The following CETP variants were observed in gnomAD, a reference collection of about 807,000 sequenced individuals.
CETP encodes the protein BPI fold containing family F.
Under a neutral mutation model 66.5 loss-of-function variants are expected in CETP, and 56 were observed. The observed-to-expected ratio is 0.84, with a 90% CI of 0.68 to 1.05. The LOEUF is 1.05. CETP is among the 50% of genes least tolerant of loss of function. The pLI, the probability that CETP is intolerant of heterozygous loss-of-function variation, is 0.00. For synonymous variants in CETP, 251 were observed against 245.7 expected (o/e 1.02, Z -0.20); for missense variants, 612 against 609.6 (o/e 1.00, Z -0.04).
intron 2 of CETP, among the ~76,000 whole-genome samples, chr16:56,964,983 C>G (rs957757521): frequency 9.2e-5 from 14 of 152,128 alleles, no homozygotes; most frequent in Admixed American, 9.2e-4. Flanking sequence ...CATGGTGGTG[C>G]GTGCCTGCAG....
Position 56,983,411 on chromosome 16 carries a change from T to A in CETP, c.1407T>A (p.Asp469Glu). Residue 469 changes from aspartate (D) to glutamate (E), a missense_variant and splice_region_variant, in exon 15 of 16, where the codon GAT becomes GAA. Coordinates refer to ENST00000200676, the MANE Select transcript of CETP (RefSeq NM_000078.3). ...DIINPEIITR[D>E]GFLLLQMDFG... ...TCAACCCTGAGATTATCACTCGAGA[T>A]GTGAGTACAAAGCCCCCCTCACCAG... The A allele has an allele frequency of 1.9e-6, 3 of 1,614,044 alleles. No individual in the cohort carries two copies. The highest frequency in any genetic ancestry group is 2.5e-6 in the Non-Finnish European group (3 of 1,179,918).
intron 11 of CETP, among the ~76,000 whole-genome samples, chr16:56,980,361 A>G (rs557084884): frequency 6.6e-6 from 1 of 152,222 alleles, no homozygotes; most frequent in South Asian, 2.1e-4. Context: ...TTGTAGAGAC[A>G]GGGTTTTGCC....
chr16:56,975,316 T>TGA (rs1313438630), intron 10 of CETP, among the ~76,000 whole-genome samples, 165 bp downstream of exon 10: 1 of 152,196 alleles, frequency 6.6e-6, no homozygotes, highest in Non-Finnish European at 1.5e-5. Flanking sequence ...TTAGTGTGTG[T>TGA]GACTTCCTTC....
chr16:56,981,778 AC>A, intron 13 of CETP, 98 bp downstream of exon 13: 1 of 1,232,938 alleles, frequency 8.1e-7, no homozygotes, highest in East Asian at 2.3e-5. Context: ...AGGCAACCAG[AC>A]CAAAAGAATG....
At chr16:56,973,631 T>C in intron 9 of CETP, 121 bp downstream of exon 9, 1 of 1,095,192 alleles carries the variant, frequency 9.1e-7, no homozygotes, top group Non-Finnish European at 1.3e-6. Context: ...AGAACTAAGC[T>C]GGAGCAATAG....
chr16:56,971,849 ACC>A lies in CETP; in HGVS notation c.659-140_659-139del. On this transcript the variant is annotated intron_variant, in intron 7 of 15. Transcript: ENST00000200676. Reference sequence around the variant, plus strand: ...AAAAGAGAGAATGAAAAAGTGCCACACCCCTCCCCGCACACCCAGGTCCCACT... The same window carrying A: ...AAAAGAGAGAATGAAAAAGTGCCACACCTCCCCGCACACCCAGGTCCCACT... 4.0e-6 allele frequency: 3 copies of A among 746,728 alleles called. No homozygotes were observed. In the South Asian group the frequency reaches 4.4e-5, roughly 11 times the overall value. The allele number at this position is 746,728 out of a possible 1,614,324, so 46.3% of individuals were successfully genotyped here.
In CETP at chr16:56,982,390, T is replaced by C. The variant is rs8045701; in HGVS notation, c.1321+153T>C. On this transcript the variant is annotated intron_variant, in intron 14 of 15. Coordinates refer to ENST00000200676, the MANE Select transcript of CETP (RefSeq NM_000078.3). ...CCCCCTTTCCTCTCCCTGCTGGTGG[T>C]ATTGCACGCCAATGACTCGGCCAGA... is the stretch of plus-strand genomic sequence containing the variant. Among the ~76,000 whole-genome samples the C allele has an allele frequency of 0.035, 5,275 of 152,244 alleles. 215 individuals carry two copies. The highest frequency in any genetic ancestry group is 0.13 in the East Asian group (689 of 5,174).
At chr16:56,963,230 C>T in intron 2 of CETP, 106 bp downstream of exon 2, 1 of 837,390 alleles carries the variant, frequency 1.2e-6, no homozygotes, top group South Asian at 1.4e-5. Flanking sequence ...CTGGGGGACT[C>T]AGGTCTCTCC....
At position 56,981,776 on chromosome 16, in the gene CETP, A is replaced by G. The variant is rs1376587396; in HGVS notation, c.1248+96A>G. 6 of 1,236,156 alleles carry G rather than the reference A, an allele frequency of 4.9e-6. No homozygotes were observed. The African/African-American group carries it at 8.9e-5, about 18-fold the overall frequency. 76.6% of individuals were successfully genotyped at this position (1,236,156 alleles called of 1,614,324 possible). On this transcript the variant is annotated intron_variant, in intron 13 of 15. Transcript: ENST00000200676. ...GGGCCCTAAAGGAAATCAGGCAACC[A>G]GACCAAAAGAATGTGGACCAGGTGG... is the stretch of plus-strand genomic sequence containing the variant.
In CETP at chr16:56,983,787, T is replaced by G. The variant is rs1201572613; in HGVS notation, c.*121T>G. On this transcript the variant is annotated 3_prime_UTR_variant, in exon 16 of 16. Coordinates refer to ENST00000200676, the MANE Select transcript of CETP (RefSeq NM_000078.3). ...GGGTTAGGAGTACGGAGATGGAGAT[T>G]GGCTCCCAACTCCTCCCTATCCTAA... is the stretch of plus-strand genomic sequence containing the variant. The G allele has an allele frequency of 2.1e-6, 2 of 930,298 alleles. No homozygotes were observed. The highest frequency in any genetic ancestry group is 1.6e-5 in the African/African-American group (1 of 61,918). 57.6% of individuals were successfully genotyped at this position (930,298 alleles called of 1,614,324 possible). A position where few individuals can be genotyped will look rare whatever the true frequency, so the allele number is the denominator to read the frequency against.
chr16:56,967,815 A>C (rs2056078795), intron 2 of CETP, among the ~76,000 whole-genome samples: 1 of 152,016 alleles, frequency 6.6e-6, no homozygotes, highest in South Asian at 2.1e-4. Flanking sequence ...AAAAGACAAA[A>C]ATTAGCCAGG....
chr16:56,966,259 C>G (rs1305222169), intron 2 of CETP, among the ~76,000 whole-genome samples: 2 of 152,174 alleles, frequency 1.3e-5, no homozygotes, highest in African/African-American at 4.8e-5. Context: ...GAGGCTTCCC[C>G]CATTCCTTGG....
intron 1 of CETP, 51 bp from the exon 2 acceptor site, chr16:56,962,959 A>G: frequency 6.6e-7 from 1 of 1,514,758 alleles, no homozygotes; most frequent in East Asian, 2.3e-5. Context: ...GGGTGGGAGC[A>G]GGGGGCTTGG....
Position 56,973,504 on chromosome 16 carries a change from G to C in CETP, c.924G>C (p.Glu308Asp). The change falls in exon 9 of 16, where the codon GAG becomes GAC. Residue 308 changes from glutamate to aspartate, a missense_variant. Coordinates refer to ENST00000200676, the MANE Select transcript of CETP (RefSeq NM_000078.3). ...GRLMLSLMGDEFKAVLETWGF... is the reference protein window; with the variant it reads ...GRLMLSLMGDDFKAVLETWGF... ...TCATGCTCAGCCTGATGGGAGACGA[G>C]TTCAAGGTGAGTGGGTGGGGCTGGG... 6.2e-7 allele frequency: 1 copy of C among 1,614,194 alleles called. No individual in the cohort carries two copies. Among genetic ancestry groups the C allele is most frequent in the Admixed American group, 1.7e-5 (1 of 60,024 alleles).
chr16:56,972,064 AC>A lies in CETP; in HGVS notation c.733del (p.Leu245TrpfsTer49). 2 of 1,613,722 alleles carry A rather than the reference AC, an allele frequency of 1.2e-6. No homozygotes were observed. Among genetic ancestry groups the A allele is most frequent in the Non-Finnish European group, 1.7e-6 (2 of 1,179,714 alleles). ...GGTGATCCCGTCATCACAGCCTCCT[AC>A]CTGGAGTCCCATCACAAGGTAGGAG... is the stretch of plus-strand genomic sequence containing the variant. ...LTGDPVITASYLESHHKGHFI... is the reference protein window; with the variant it reads ...LTGDPVITASXLESHHKGHFI... On this transcript the variant is annotated frameshift_variant, in exon 8 of 16. Transcript: ENST00000200676. LOFTEE classifies it high-confidence loss of function.
At chr16:56,982,385 G>A (rs2056195149) in intron 14 of CETP, 148 bp downstream of exon 14, 2 of 785,122 alleles carry the variant, frequency 2.5e-6, no homozygotes, top group Admixed American at 2.0e-5. Context: ...TCTCCCTGCT[G>A]GTGGTATTGC....
intron 5 of CETP, 152 bp downstream of exon 5, chr16:56,970,153 C>G (rs995998395): frequency 2.8e-6 from 2 of 718,346 alleles, no homozygotes; most frequent in Non-Finnish European, 5.0e-6. Flanking sequence ...CTTCCTACCC[C>G]CTCCCATCAA....
chr16:56,976,736 A>T (rs2056152738), intron 10 of CETP, among the ~76,000 whole-genome samples: 2 of 151,670 alleles, frequency 1.3e-5, no homozygotes, highest in African/African-American at 4.8e-5. Context: ...GGGCCATCTC[A>T]TTCCATTTTC....
chr16:56,971,217 T>A, intron 6 of CETP, 104 bp from the exon 7 acceptor site: 1 of 1,506,258 alleles, frequency 6.6e-7, no homozygotes, highest in Non-Finnish European at 9.2e-7. Context: ...ATGTGGCCAG[T>A]CCCCTGTGCC....
Sources: gnomAD v4.1 joint callset for allele counts (sites outside exome capture counted in the v4.1 genomes callset) on GRCh38, gnomAD v4.1.1 for gene constraint, MANE v1.5 for transcripts, NCBI Gene and HGNC (gene_info 2026-07-23, HGNC 2026-07-21) for gene names.